IGSF5: variants seen among roughly 807,000 people sequenced by gnomAD.
IGSF5 encodes immunoglobulin superfamily member 5.
IGSF5 carries 41 observed loss-of-function variants against 39.4 expected under a neutral mutation model. That is an observed-to-expected ratio of 1.04 (90% CI 0.81 to 1.35). The LOEUF is 1.35. IGSF5 is among the 40% of genes most tolerant of loss of function. The probability of loss-of-function intolerance (pLI) is 0.00; values close to 1 mark genes in which losing one functional copy is unlikely to be tolerated. For synonymous variants in IGSF5, 183 were observed against 175.3 expected (o/e 1.04, Z -0.34); for missense variants, 487 against 494.6 (o/e 0.98, Z 0.15).
chr21:39,714,072 C>A, the IGSF5 span, among the ~76,000 whole-genome samples: 2 of 152,224 alleles, frequency 1.3e-5, no homozygotes, highest in Non-Finnish European at 2.9e-5. Context: ...ATCCATCCCA[C>A]GTGAGCGCGA....
intron 4 of IGSF5, among the ~76,000 whole-genome samples, chr21:39,778,608 T>C (rs1463780150): frequency 6.6e-6 from 1 of 152,208 alleles, no homozygotes; most frequent in East Asian, 1.9e-4. Context: ...CCTAAGTTCC[T>C]TTAGAAGTGA....
the IGSF5 span, among the ~76,000 whole-genome samples, chr21:39,716,196 C>T: frequency 4.6e-5 from 7 of 152,244 alleles, no homozygotes; most frequent in East Asian, 3.9e-4. Context: ...CCTCATGACT[C>T]GTCCCTCCCC....
In IGSF5 at chr21:39,771,214, A is replaced by T; in HGVS notation, c.717A>T (p.Gln239His). Reference sequence around the variant, plus strand: ...ATCTCACTGTGATTCGGTGTCCCCAAGGTAAGTGAAGACATTCTGCTTTAT... The same window carrying T: ...ATCTCACTGTGATTCGGTGTCCCCATGGTAAGTGAAGACATTCTGCTTTAT... The part of the protein sequence containing the change: ...TVNLTVIRCP[Q>H]DTGGGINIPG... The change falls in exon 4 of 9, where the codon CAA (glutamine) becomes CAT (histidine). Residue 239 changes from glutamine (Q) to histidine (H), a missense_variant and splice_region_variant. Physicochemically the swap from Gln to His is conservative, Grantham distance 24. Coordinates refer to ENST00000380588, the MANE Select transcript of IGSF5 (RefSeq NM_001080444.2). 6.4e-7 allele frequency: 1 copy of T among 1,554,242 alleles called. No individual in the cohort carries two copies. The highest frequency in any genetic ancestry group is 2.3e-5 in the East Asian group (1 of 43,586).
In IGSF5 at chr21:39,764,839, T is replaced by A. The variant is rs16998420; in HGVS notation, c.101-696T>A. Among the ~76,000 whole-genome samples the A allele has an allele frequency of 4.2e-3, 645 of 152,194 alleles. 5 individuals carry two copies. The highest frequency in any genetic ancestry group is 0.015 in the African/African-American group (610 of 41,522). On this transcript the variant is annotated intron_variant, in intron 2 of 8. Transcript: ENST00000380588. Reference sequence around the variant, plus strand: ...CCACGGTATGTGGTCTGCCAGGGTGTCTTCTTGCTATAAACTCTGAATGAC... The same window carrying A: ...CCACGGTATGTGGTCTGCCAGGGTGACTTCTTGCTATAAACTCTGAATGAC...
intron 8 of IGSF5, among the ~76,000 whole-genome samples, chr21:39,800,184 C>T (rs956929244): frequency 6.6e-6 from 1 of 152,034 alleles, no homozygotes; most frequent in Non-Finnish European, 1.5e-5. Flanking sequence ...TTTATTTTGG[C>T]GAATATTTAA....
At chr21:39,742,948 T>G (rs2079954494), upstream of IGSF5, among the ~76,000 whole-genome samples, 1 of 152,188 alleles carries the variant, frequency 6.6e-6, no homozygotes. Context: ...AACTTATCCT[T>G]TAAGATTAGT....
intron 4 of IGSF5, among the ~76,000 whole-genome samples, chr21:39,777,316 C>T (rs993785214): frequency 6.6e-6 from 1 of 152,162 alleles, no homozygotes; most frequent in East Asian, 1.9e-4. Flanking sequence ...ACAAGGGATT[C>T]CCAAAATGTG....
the IGSF5 span, among the ~76,000 whole-genome samples, chr21:39,715,578 T>A: frequency 6.6e-6 from 1 of 152,236 alleles, no homozygotes; most frequent in African/African-American, 2.4e-5. Flanking sequence ...CTTCATTCCT[T>A]CATCCATTTA....
intron 2 of IGSF5, among the ~76,000 whole-genome samples, chr21:39,747,500 T>A (rs2079981318): frequency 6.6e-6 from 1 of 152,226 alleles, no homozygotes; most frequent in African/African-American, 2.4e-5. Flanking sequence ...AAGAAGCTCC[T>A]CTGCCAACAC....
chr21:39,754,338 C>T (rs569918581), intron 2 of IGSF5, among the ~76,000 whole-genome samples: 43 of 152,330 alleles, frequency 2.8e-4, no homozygotes, highest in African/African-American at 1.0e-3. Context: ...GCTTATAAGG[C>T]TTCTGCTGAG....
At chr21:39,768,022 T>C (rs1488881617) in intron 3 of IGSF5, among the ~76,000 whole-genome samples, 1 of 152,218 alleles carries the variant, frequency 6.6e-6, no homozygotes, top group Non-Finnish European at 1.5e-5. Flanking sequence ...TGTAGCATCT[T>C]TTCCCAAAGT....
At position 39,770,847 on chromosome 21, in the gene IGSF5, A is replaced by G. The variant is rs532536503; in HGVS notation, c.419-69A>G. 4.6e-5 allele frequency: 54 copies of G among 1,185,790 alleles called. 1 individual carries two copies. In the Middle Eastern group the frequency reaches 1.3e-3, roughly 28 times the overall value. The allele number at this position is 1,185,790 out of a possible 1,614,324, so 73.5% of individuals were successfully genotyped here. On this transcript the variant is annotated intron_variant, in intron 3 of 8. Coordinates refer to ENST00000380588, the MANE Select transcript of IGSF5 (RefSeq NM_001080444.2). The stretch of plus-strand genomic sequence containing the variant: ...GCAAAACTTAAAAAAAAAAAGAAAA[A>G]AAAAAAGAAAACTTAGAAGCGAGAG...
chr21:39,772,704 AG>A (rs2080121190), intron 4 of IGSF5, among the ~76,000 whole-genome samples: 1 of 150,674 alleles, frequency 6.6e-6, no homozygotes, highest in Non-Finnish European at 1.5e-5. Flanking sequence ...AATTTGGGTC[AG>A]TTTGGATCAA....
At chr21:39,795,922 G>A (rs935898314) in intron 8 of IGSF5, among the ~76,000 whole-genome samples, 3 of 152,034 alleles carry the variant, frequency 2.0e-5, no homozygotes, top group South Asian at 4.1e-4. Context: ...AACTAATGAG[G>A]GTTATTAAAT....
At chr21:39,783,796 G>A (rs185951809) in intron 5 of IGSF5, among the ~76,000 whole-genome samples, 1 of 152,152 alleles carries the variant, frequency 6.6e-6, no homozygotes, top group East Asian at 1.9e-4. Flanking sequence ...TCTTTGTCTA[G>A]GCCAATGTCC....
chr21:39,739,783 T>G, the IGSF5 span, among the ~76,000 whole-genome samples: 2 of 152,176 alleles, frequency 1.3e-5, no homozygotes, highest in African/African-American at 4.8e-5. Flanking sequence ...CGGTAGATCT[T>G]AGTCATGGAC....
At chr21:39,796,990 A>G (rs1334412966) in intron 8 of IGSF5, among the ~76,000 whole-genome samples, 3 of 152,174 alleles carry the variant, frequency 2.0e-5, no homozygotes, top group Non-Finnish European at 4.4e-5. Context: ...CTCTCTGCTC[A>G]TGCTGCATCC....
the IGSF5 span, among the ~76,000 whole-genome samples, chr21:39,725,220 C>G: frequency 6.6e-6 from 1 of 152,352 alleles, no homozygotes; most frequent in East Asian, 1.9e-4. Context: ...ATGTAAAACT[C>G]TGCTGTTTGT....
At position 39,745,508 on chromosome 21, in the gene IGSF5, G is replaced by A. The variant is rs370289196; in HGVS notation, c.-2G>A. The A allele has an allele frequency of 1.4e-5, 10 of 716,678 alleles. No homozygotes were observed. Among genetic ancestry groups the A allele is most frequent in the Non-Finnish European group, 2.3e-5 (9 of 384,786 alleles). 44.4% of individuals were successfully genotyped at this position (716,678 alleles called of 1,614,324 possible). Reference sequence around the variant, plus strand: ...GAAAGTCGTGTTCGGGACCCAGGAGGTATGGGTCAGAAGGAAAGGTAAGGG... The same window carrying A: ...GAAAGTCGTGTTCGGGACCCAGGAGATATGGGTCAGAAGGAAAGGTAAGGG... On this transcript the variant is annotated 5_prime_UTR_variant, in exon 1 of 9. Transcript: ENST00000380588.
Sources: allele counts gnomAD v4.1 joint callset (sites outside exome capture counted in the v4.1 genomes callset), GRCh38; gene constraint gnomAD v4.1.1; transcripts MANE v1.5; gene names NCBI Gene and HGNC (gene_info 2026-07-23, HGNC 2026-07-21).